Variants in NRG3 observed in about 807,000 individuals in gnomAD.
NRG3 encodes the protein neuregulin 3.
A neutral mutation model predicts 66.9 loss-of-function variants in NRG3; 31 were observed. The ratio of observed to expected loss-of-function variants is 0.46; its 90% CI spans 0.35 to 0.63. The LOEUF (loss-of-function observed/expected upper bound fraction) is 0.63, where lower values mean the gene tolerates loss of function less well. Among genes scored for constraint, NRG3 ranks in the 20% least tolerant of loss-of-function variants. The pLI, the probability that NRG3 is intolerant of heterozygous loss-of-function variation, is 0.00. For synonymous variants in NRG3, 393 were observed against 359.4 expected (o/e 1.09, Z -1.06); for missense variants, 910 against 878.9 (o/e 1.04, Z -0.45).
intron 1 of NRG3, among the ~76,000 whole-genome samples, chr10:81,918,753 T>G (rs1248285050): frequency 6.6e-6 from 1 of 152,024 alleles, no homozygotes; most frequent in Non-Finnish European, 1.5e-5. Context: ...GCTGTTAATT[T>G]TTTCTCTGTA....
chr10:82,512,355 G>T (rs1239983834), intron 2 of NRG3, among the ~76,000 whole-genome samples: 3 of 151,610 alleles, frequency 2.0e-5, no homozygotes, highest in African/African-American at 7.3e-5. Flanking sequence ...GTGTGATCTT[G>T]GCTCATTGCA....
chr10:82,214,631 TA>T (rs200004552), intron 1 of NRG3, among the ~76,000 whole-genome samples: 43 of 152,062 alleles, frequency 2.8e-4, no homozygotes, highest in East Asian at 1.6e-3. Context: ...CCTGGCTAAT[TA>T]AAAAAAATTT....
At chr10:81,927,740 A>G (rs984037702) in intron 1 of NRG3, among the ~76,000 whole-genome samples, 2 of 152,216 alleles carry the variant, frequency 1.3e-5, no homozygotes, top group South Asian at 2.1e-4. Context: ...AAGCCCCTCA[A>G]CTGACTGATG....
intron 1 of NRG3, among the ~76,000 whole-genome samples, chr10:82,211,922 C>T (rs2075413308): frequency 6.6e-6 from 1 of 152,092 alleles, no homozygotes; most frequent in Non-Finnish European, 1.5e-5. Context: ...CTAAATACAG[C>T]CTCTGAAAGG....
At chr10:82,045,885 C>G (rs183807865) in intron 1 of NRG3, among the ~76,000 whole-genome samples, 7 of 149,250 alleles carry the variant, frequency 4.7e-5, no homozygotes, top group Admixed American at 6.7e-5. Context: ...TGTAGATATG[C>G]GGTGTTATTT....
At chr10:82,792,229 A>T (rs1332129267) in intron 3 of NRG3, among the ~76,000 whole-genome samples, 2 of 152,098 alleles carry the variant, frequency 1.3e-5, no homozygotes, top group Non-Finnish European at 2.9e-5. Flanking sequence ...GACTTACTTT[A>T]TCATCTGGAA....
intron 2 of NRG3, among the ~76,000 whole-genome samples, chr10:82,493,833 T>G (rs1843377367): frequency 6.6e-6 from 1 of 152,170 alleles, no homozygotes; most frequent in Non-Finnish European, 1.5e-5. Flanking sequence ...GGAGACCATT[T>G]CTGCATTCTA....
At chr10:82,734,199 C>A in intron 2 of NRG3, among the ~76,000 whole-genome samples, 1 of 152,148 alleles carries the variant, frequency 6.6e-6, no homozygotes, top group East Asian at 1.9e-4. Flanking sequence ...AAACTCTTTA[C>A]TTAAACCAGC....
chr10:82,962,446 T>C (rs996990668), intron 6 of NRG3, among the ~76,000 whole-genome samples: 3 of 152,184 alleles, frequency 2.0e-5, no homozygotes, highest in Admixed American at 6.5e-5. Flanking sequence ...ACCTTTTTTT[T>C]CAGTAATCAT....
intron 1 of NRG3, among the ~76,000 whole-genome samples, chr10:82,259,735 CTGAGCTACATAG>C (rs2077921155): frequency 6.6e-6 from 1 of 152,014 alleles, no homozygotes; most frequent in South Asian, 2.1e-4. Flanking sequence ...TGAGACCAGC[CTGAGCTACATAG>C]TGAGACCTTA....
intron 3 of NRG3, among the ~76,000 whole-genome samples, chr10:82,812,289 G>C (rs1480784218): frequency 6.6e-6 from 1 of 152,130 alleles, no homozygotes; most frequent in African/African-American, 2.4e-5. Context: ...TGGTCAAAAT[G>C]CTGAAAATTA....
At position 82,322,420 on chromosome 10, in the gene NRG3, A is replaced by T. The variant is rs181888192; in HGVS notation, c.824-36319A>T. ...AAGTTCAAATAATATGAGATTAAAA[A>T]AATCTTTATAGAAAAGGATCAGGGA... On this transcript the variant is annotated intron_variant, in intron 1 of 8. Transcript: ENST00000372141. 2.0e-5 allele frequency among the ~76,000 whole-genome samples: 3 copies of T among 152,336 alleles called. No individual in the cohort carries two copies. In the East Asian group the frequency reaches 5.8e-4, roughly 29 times the overall value.
At chr10:82,023,942 A>G (rs1178903652) in intron 1 of NRG3, among the ~76,000 whole-genome samples, 1 of 151,902 alleles carries the variant, frequency 6.6e-6, no homozygotes, top group East Asian at 1.9e-4. Context: ...TTCTTCTTTA[A>G]ATGTTTTGTG....
At chr10:82,473,752 C>G (rs1454693643) in intron 2 of NRG3, among the ~76,000 whole-genome samples, 2 of 152,070 alleles carry the variant, frequency 1.3e-5, no homozygotes, top group South Asian at 2.1e-4. Context: ...AACTTGTCTT[C>G]AGGCTGCTTG....
intron 5 of NRG3, among the ~76,000 whole-genome samples, chr10:82,952,471 CTGTGTGTGTG>C (rs60100337): frequency 0.028 from 2,742 of 98,760 alleles, 62 homozygotes; most frequent in Middle Eastern, 0.045. Context: ...CTCTCTCTCT[CTGTGTGTGTG>C]TGTGTGTGTG....
chr10:81,941,109 C>T (rs1299379853), intron 1 of NRG3, among the ~76,000 whole-genome samples: 2 of 152,144 alleles, frequency 1.3e-5, no homozygotes, highest in Admixed American at 6.6e-5. Context: ...TGCCAAATTA[C>T]TTCCACCCAT....
chr10:82,543,549 C>T (rs2043691271), intron 2 of NRG3, among the ~76,000 whole-genome samples: 1 of 151,986 alleles, frequency 6.6e-6, no homozygotes, highest in Non-Finnish European at 1.5e-5. Flanking sequence ...CATATTAATT[C>T]TTATATTGAA....
intron 3 of NRG3, among the ~76,000 whole-genome samples, chr10:82,777,914 G>A (rs2059968128): frequency 2.0e-5 from 3 of 152,210 alleles, no homozygotes; most frequent in Admixed American, 2.0e-4. Flanking sequence ...CATTGCCCAT[G>A]GAGGTGAGAT....
intron 8 of NRG3, among the ~76,000 whole-genome samples, chr10:82,983,534 A>C: frequency 6.6e-6 from 1 of 152,192 alleles, no homozygotes; most frequent in East Asian, 1.9e-4. Flanking sequence ...TAGTAATTAG[A>C]ATAAGACAAC....
Sources: allele counts gnomAD v4.1 joint callset (sites outside exome capture counted in the v4.1 genomes callset), GRCh38; gene constraint gnomAD v4.1.1; transcripts MANE v1.5; gene names NCBI Gene and HGNC (gene_info 2026-07-23, HGNC 2026-07-21).